MROH9: variants seen among roughly 807,000 people sequenced by gnomAD.
The protein encoded by MROH9 is maestro heat-like repeat-containing protein family member 9.
Under a neutral mutation model 98.2 loss-of-function variants are expected in MROH9, and 92 were observed. The ratio of observed to expected loss-of-function variants is 0.94; its 90% confidence interval spans 0.79 to 1.11. MROH9 has a LOEUF of 1.11. Ranked by LOEUF, MROH9 falls within the 50% of genes most tolerant of loss-of-function variation. The probability of loss-of-function intolerance (pLI) is 0.00; values close to 1 mark genes in which losing one functional copy is unlikely to be tolerated. For synonymous variants in MROH9, 397 were observed against 368.9 expected (o/e 1.08, Z -0.87); for missense variants, 1,057 against 1,014.8 (o/e 1.04, Z -0.57).
At chr1:170,964,888 CT>C (rs1366374464) in intron 6 of MROH9, among the ~76,000 whole-genome samples, 2 of 151,872 alleles carry the variant, frequency 1.3e-5, no homozygotes, top group Non-Finnish European at 2.9e-5. Context: ...TTCATGGTGC[CT>C]AACAAAGTGA....
intron 8 of MROH9, among the ~76,000 whole-genome samples, chr1:170,974,177 A>T (rs28889724): frequency 0.47 from 70,919 of 151,914 alleles, 16,729 homozygotes; most frequent in Middle Eastern, 0.6. Flanking sequence ...CATGTCTAAT[A>T]TGAGTCTCTG....
chr1:171,064,064 G>C, intron 21 of MROH9, 35 bp from the exon 22 acceptor site: 1 of 1,510,780 alleles, frequency 6.6e-7, no homozygotes, highest in Non-Finnish European at 8.8e-7. Flanking sequence ...CTAAGAAAGA[G>C]ATAACTTGAA....
chr1:171,013,908 C>G (rs1557898501), intron 15 of MROH9, among the ~76,000 whole-genome samples: 1 of 146,634 alleles, frequency 6.8e-6, no homozygotes, highest in African/African-American at 2.7e-5. Flanking sequence ...CACACACACA[C>G]ACACACAGAC....
intron 20 of MROH9, among the ~76,000 whole-genome samples, chr1:171,061,442 A>G (rs1654012295): frequency 6.6e-6 from 1 of 152,230 alleles, no homozygotes; most frequent in Non-Finnish European, 1.5e-5. Flanking sequence ...TAATAGCTCC[A>G]AACTGGAAAC....
chr1:170,957,980 T>C (rs913614495), intron 3 of MROH9, among the ~76,000 whole-genome samples: 2 of 151,856 alleles, frequency 1.3e-5, no homozygotes, highest in Non-Finnish European at 2.9e-5. Flanking sequence ...GGCTAATTTT[T>C]TTCTATTTTT....
At chr1:171,047,350 T>C (rs1653502062) in intron 20 of MROH9, among the ~76,000 whole-genome samples, 1 of 151,504 alleles carries the variant, frequency 6.6e-6, no homozygotes, top group African/African-American at 2.4e-5. Flanking sequence ...GCATGCTTCA[T>C]TTTTTTTTAT....
intron 6 of MROH9, among the ~76,000 whole-genome samples, chr1:170,963,536 T>C (rs1650109892): frequency 3.3e-5 from 5 of 152,138 alleles, no homozygotes; most frequent in Admixed American, 3.3e-4. Flanking sequence ...TGCACACATA[T>C]ACTTGTTGCA....
intron 6 of MROH9, among the ~76,000 whole-genome samples, chr1:170,964,669 ACTCT>A (rs1343770442): frequency 6.6e-6 from 1 of 152,068 alleles, no homozygotes; most frequent in Non-Finnish European, 1.5e-5. Context: ...CCGGTAATGT[ACTCT>A]CTAACCATAA....
chr1:171,022,052 A>G (rs1319995962), intron 17 of MROH9, among the ~76,000 whole-genome samples: 1 of 152,218 alleles, frequency 6.6e-6, no homozygotes, highest in Non-Finnish European at 1.5e-5. Flanking sequence ...ATGAGATACC[A>G]TCTCACACCA....
intron 3 of MROH9, among the ~76,000 whole-genome samples, chr1:170,954,719 G>C (rs995427169): frequency 6.6e-6 from 1 of 151,744 alleles, no homozygotes; most frequent in Non-Finnish European, 1.5e-5. Flanking sequence ...CAGGTGTGAG[G>C]TAATGTCTCA....
intron 13 of MROH9, among the ~76,000 whole-genome samples, chr1:170,995,938 C>T (rs951936095): frequency 1.3e-5 from 2 of 152,146 alleles, no homozygotes; most frequent in Non-Finnish European, 1.5e-5. Context: ...ATGATGTGCT[C>T]AAGTGTACTT....
chr1:170,943,845 T>C (rs1166339648), intron 1 of MROH9, among the ~76,000 whole-genome samples: 2 of 151,836 alleles, frequency 1.3e-5, no homozygotes, highest in African/African-American at 2.4e-5. Flanking sequence ...TTAAATAAAG[T>C]CAAAGAAAAT....
chr1:170,935,857 T>C (rs1432215807), intron 1 of MROH9, among the ~76,000 whole-genome samples: 1 of 151,306 alleles, frequency 6.6e-6, no homozygotes, highest in Non-Finnish European at 1.5e-5. Context: ...CTGGGTGTGG[T>C]GGCGGGTGCC....
chr1:171,003,447 G>A (rs28641869), intron 15 of MROH9, among the ~76,000 whole-genome samples: 21,183 of 152,160 alleles, frequency 0.14, 1,647 homozygotes, highest in African/African-American at 0.21. Context: ...CCTTGATGTA[G>A]TACTCTTCCT....
intron 15 of MROH9, among the ~76,000 whole-genome samples, chr1:171,013,035 C>A (rs1305321795): frequency 6.6e-6 from 1 of 152,134 alleles, no homozygotes; most frequent in Non-Finnish European, 1.5e-5. Context: ...TTCAGGTGCT[C>A]AAACACACCC....
At chr1:171,058,287 T>C (rs141047362) in intron 20 of MROH9, among the ~76,000 whole-genome samples, 126 of 149,380 alleles carry the variant, frequency 8.4e-4, no homozygotes, top group African/African-American at 2.9e-3. Context: ...TAACAAGGGA[T>C]GTAAAGGACC....
chr1:171,057,970 G>GT (rs1653896888), intron 20 of MROH9, among the ~76,000 whole-genome samples: 1 of 151,684 alleles, frequency 6.6e-6, no homozygotes. Context: ...AATATGGGGG[G>GT]AAAAAAACAC....
At chr1:171,016,665 T>G (rs1652337412) in intron 17 of MROH9, among the ~76,000 whole-genome samples, 1 of 152,136 alleles carries the variant, frequency 6.6e-6, no homozygotes, top group South Asian at 2.1e-4. Context: ...AAACACTGAG[T>G]GAGTGATTTC....
chr1:171,054,006 G>A (rs897071152), intron 20 of MROH9, among the ~76,000 whole-genome samples: 1 of 151,980 alleles, frequency 6.6e-6, no homozygotes, highest in African/African-American at 2.4e-5. Context: ...GGCTAAGTTT[G>A]GATAAAAGGA....
Sources: allele counts gnomAD v4.1 joint callset (sites outside exome capture counted in the v4.1 genomes callset), GRCh38; gene constraint gnomAD v4.1.1; transcripts MANE v1.5; gene names NCBI Gene and HGNC (gene_info 2026-07-23, HGNC 2026-07-21).